LACTBL1: variants seen among roughly 807,000 people sequenced by gnomAD.
LACTBL1 encodes the protein beta-lactamase-like protein 1.
Under a neutral mutation model 39.6 loss-of-function variants are expected in LACTBL1, and 29 were observed. The observed-to-expected ratio is 0.73, with a 90% confidence interval of 0.55 to 1.00. The LOEUF (loss-of-function observed/expected upper bound fraction) is 1.00, where lower values mean the gene tolerates loss of function less well. Among genes scored for constraint, LACTBL1 ranks in the 50% least tolerant of loss-of-function variants. LACTBL1 has a pLI of 0.00. For missense variants in LACTBL1, 711 were observed against 748.5 expected (o/e 0.95, Z 0.59); for synonymous variants, 361 against 360.7 (o/e 1.00, Z -0.01).
chr1:22,953,295 C>T, exon 6 of LACTBL1: 1 of 1,226,524 alleles, frequency 8.2e-7, no homozygotes. Flanking sequence ...CTGGAGGCAC[C>T]AGCGCCTCCA....
chr1:22,958,862 C>T (rs1162011477), exon 4 of LACTBL1: 1 of 1,550,428 alleles, frequency 6.4e-7, no homozygotes, highest in Non-Finnish European at 8.7e-7. Context: ...GCCACGATGC[C>T]CTCCTCCCAC....
In LACTBL1 at chr1:22,965,282, G is replaced by A; in HGVS notation, c.49+8C>T. Reference sequence around the variant, plus strand: ...TGGGGAGGAACTCAAGGCTGTCTCTGCACTCACCGGTCTTCAGCTTGGGGA... The same window carrying A: ...TGGGGAGGAACTCAAGGCTGTCTCTACACTCACCGGTCTTCAGCTTGGGGA... On this transcript the variant is annotated splice_region_variant and intron_variant, in intron 1 of 5. Coordinates refer to ENST00000426928, the Ensembl canonical transcript of LACTBL1. The A allele has an allele frequency of 1.5e-6, 2 of 1,320,040 alleles. No homozygotes were observed. The highest frequency in any genetic ancestry group is 4.8e-5 in the South Asian group (2 of 41,490). 81.8% of individuals were successfully genotyped at this position (1,320,040 alleles called of 1,614,324 possible). A position where few individuals can be genotyped will look rare whatever the true frequency, so the allele number is the denominator to read the frequency against.
chr1:22,957,640 C>CTTTTTTT (rs34603019), intron 4 of LACTBL1, among the ~76,000 whole-genome samples: 2 of 56,682 alleles, frequency 3.5e-5, no homozygotes, highest in Non-Finnish European at 3.0e-5. Context: ...TCTTAATATT[C>CTTTTTTT]TTTTTTTTTT....
chr1:22,970,325 A>G (rs959176736), upstream of LACTBL1, among the ~76,000 whole-genome samples: 1 of 152,258 alleles, frequency 6.6e-6, no homozygotes, highest in Non-Finnish European at 1.5e-5. Context: ...ACCTCAAAGC[A>G]TGATGCTAAG....
intron 2 of LACTBL1, among the ~76,000 whole-genome samples, chr1:22,961,998 G>A (rs930096083): frequency 1.3e-4 from 20 of 148,998 alleles, no homozygotes; most frequent in African/African-American, 4.7e-4. Flanking sequence ...CACCCATCTC[G>A]GCCTCCCAAA....
chr1:22,954,175 C>T (rs1160257241), intron 5 of LACTBL1, among the ~76,000 whole-genome samples, 151 bp from the exon 8 acceptor site: 1 of 152,218 alleles, frequency 6.6e-6, no homozygotes, highest in East Asian at 1.9e-4. Context: ...GACTTTGGAG[C>T]ACTGACTCTG....
chr1:22,955,269 T>G, intron 5 of LACTBL1, 52 bp downstream of exon 7: 2 of 1,410,878 alleles, frequency 1.4e-6, no homozygotes, highest in Non-Finnish European at 2.0e-6. Context: ...GGCAGGTGTG[T>G]CTCCCCAGGA....
chr1:22,970,631 G>C, the LACTBL1 span, among the ~76,000 whole-genome samples: 1 of 151,968 alleles, frequency 6.6e-6, no homozygotes, highest in Non-Finnish European at 1.5e-5. Context: ...AACATAGCAA[G>C]ACTCTGCCTG....
At chr1:22,969,707 C>T (rs1160239185), upstream of LACTBL1, among the ~76,000 whole-genome samples, 2 of 150,720 alleles carry the variant, frequency 1.3e-5, no homozygotes, top group African/African-American at 4.9e-5. Context: ...TTCCTTTTAT[C>T]CTTTTCCATC....
the LACTBL1 span, among the ~76,000 whole-genome samples, chr1:22,971,897 G>A: frequency 6.6e-6 from 1 of 152,118 alleles, no homozygotes; most frequent in Non-Finnish European, 1.5e-5. Flanking sequence ...TTCACCAGTT[G>A]GTAGCTAGAG....
In LACTBL1 at chr1:22,953,806, C is replaced by CCTG; in HGVS notation, c.877_878insCAG (p.Arg293delinsProGly). 7 of 1,545,864 alleles carry CCTG rather than the reference C, an allele frequency of 4.5e-6. No individual in the cohort carries two copies. In the South Asian group the frequency reaches 8.3e-5, roughly 18 times the overall value. On this transcript the variant is annotated protein_altering_variant, in exon 6 of 6. Coordinates refer to ENST00000426928, the Ensembl canonical transcript of LACTBL1. ...GGTAGAGTACATCTGGCCCGACGGCCGGTACCAGCCCAGGTCATAGAGTGG... is the reference window on the plus strand; with the variant it reads ...GGTAGAGTACATCTGGCCCGACGGCCCTGGGTACCAGCCCAGGTCATAGAGTGG...
chr1:22,958,856 C>T lies in LACTBL1; in HGVS notation c.382G>A (p.Val128Met), dbSNP rs552142459. 6.9e-5 allele frequency: 107 copies of T among 1,550,514 alleles called. No individual in the cohort carries two copies. The African/African-American group carries it at 1.3e-3, about 18-fold the overall frequency. The change falls in exon 4 of 6, where the codon GTG becomes ATG. Residue 128 changes from valine to methionine, a missense_variant. Physicochemically the swap from Val to Met is conservative, Grantham distance 21. Coordinates refer to ENST00000426928, the Ensembl canonical transcript of LACTBL1. The stretch of plus-strand genomic sequence containing the variant: ...TCCAGAGGGTCATCTAGGGAGGCCA[C>T]GATGCCCTCCTCCCACAGACGGTAC...
intron 2 of LACTBL1, among the ~76,000 whole-genome samples, chr1:22,962,395 A>T (rs1370278085): frequency 6.6e-6 from 1 of 152,012 alleles, no homozygotes; most frequent in Non-Finnish European, 1.5e-5. Context: ...TCTTCTGATC[A>T]TGTTTCACTC....
chr1:22,966,117 C>T (rs888101520), upstream of LACTBL1, among the ~76,000 whole-genome samples: 2 of 152,148 alleles, frequency 1.3e-5, no homozygotes, highest in Admixed American at 1.3e-4. Context: ...CAATACAATT[C>T]CTTGAAAATA....
the LACTBL1 span, among the ~76,000 whole-genome samples, chr1:22,972,688 G>A: frequency 2.6e-5 from 4 of 152,052 alleles, no homozygotes; most frequent in African/African-American, 9.7e-5. Flanking sequence ...TGTGTGCCCC[G>A]CATTGAATTC....
At chr1:22,965,574 A>G (rs186907263), upstream of LACTBL1, 128 of 236,802 alleles carry the variant, frequency 5.4e-4, no homozygotes, top group Non-Finnish European at 6.2e-5. Context: ...TGTGAAACCA[A>G]TGCCCTTCCC....
At chr1:22,954,065 C>T in intron 5 of LACTBL1, 41 bp from the exon 8 acceptor site, 3 of 1,484,358 alleles carry the variant, frequency 2.0e-6, no homozygotes, top group East Asian at 2.5e-5. Flanking sequence ...GGCCCTTCCT[C>T]ACCCGCCCGC....
chr1:22,953,072 G>T lies in LACTBL1; in HGVS notation c.1612C>A (p.Arg538=), dbSNP rs1410484707. ...TGGGTCTTGAACACCGGCTTGCCCCGCAGCCGCAGCACTCTGTACGTGTTG... is the reference window on the plus strand; with the variant it reads ...TGGGTCTTGAACACCGGCTTGCCCCTCAGCCGCAGCACTCTGTACGTGTTG... The change falls in exon 6 of 6, where the codon CGG becomes AGG. Residue 538 remains arginine (R), a synonymous_variant. Transcript: ENST00000426928. 29 of 1,232,158 alleles carry T rather than the reference G, an allele frequency of 2.4e-5. No individual in the cohort carries two copies. In the East Asian group the frequency reaches 9.1e-4, roughly 39 times the overall value. 76.3% of individuals were successfully genotyped at this position (1,232,158 alleles called of 1,614,324 possible).
rs569421055 is a variant in LACTBL1, at chr1:22,958,934, G to A, written c.318-14C>T. The A allele has an allele frequency of 1.3e-4, 197 of 1,530,824 alleles. 1 individual carries two copies. The highest frequency in any genetic ancestry group is 1.0e-3 in the South Asian group (86 of 82,372). The allele number at this position is 1,530,824 out of a possible 1,614,324, so 94.8% of individuals were successfully genotyped here. On this transcript the variant is annotated splice_polypyrimidine_tract_variant and intron_variant, in intron 3 of 5. Coordinates refer to ENST00000426928, the Ensembl canonical transcript of LACTBL1. ...ATGCTGGAGATCCTAGATAATGTTG[G>A]GAATACAAGCAGTCAAAGGGCATCC...
Sources: allele counts gnomAD v4.1 joint callset (sites outside exome capture counted in the v4.1 genomes callset), GRCh38; gene constraint gnomAD v4.1.1; transcripts MANE v1.5; gene names NCBI Gene and HGNC (gene_info 2026-07-23, HGNC 2026-07-21).